The following RABEPK variants were observed in gnomAD, a reference collection of about 807,000 sequenced individuals.
The protein encoded by RABEPK is Rab9 effector protein with kelch motifs.
RABEPK carries 27 observed loss-of-function variants against 34.1 expected under a neutral mutation model. The ratio of observed to expected loss-of-function variants is 0.79; its 90% CI spans 0.58 to 1.09. RABEPK has a LOEUF of 1.09. Among genes scored for constraint, RABEPK ranks in the 50% least tolerant of loss-of-function variants. RABEPK has a pLI of 0.00. For missense variants in RABEPK, 449 were observed against 462.6 expected (o/e 0.97, Z 0.27); for synonymous variants, 172 against 169.2 (o/e 1.02, Z -0.13).
intron 4 of RABEPK, among the ~76,000 whole-genome samples, chr9:125,214,464 C>A (rs771943702): frequency 3.3e-5 from 5 of 152,156 alleles, no homozygotes; most frequent in Admixed American, 6.6e-5. Flanking sequence ...TTTCTTTTAG[C>A]CAAAAGTACA....
chr9:125,224,454 CTTTT>C (rs34504635), intron 5 of RABEPK, among the ~76,000 whole-genome samples: 3 of 124,696 alleles, frequency 2.4e-5, no homozygotes, highest in African/African-American at 5.9e-5. Context: ...TAGGTATTGT[CTTTT>C]TTTTTTTTTT....
rs752799508 is a variant in RABEPK at position 125,228,042 on chromosome 9, T to A, written c.659T>A (p.Leu220His). The A allele has an allele frequency of 6.3e-7, 1 of 1,589,754 alleles. No homozygotes were observed. Among genetic ancestry groups the A allele is most frequent in the Non-Finnish European group, 8.6e-7 (1 of 1,166,048 alleles). Reference protein sequence around the residue: ...GLAGDRFYDDLHCIDISDMKW... With the variant: ...GLAGDRFYDDHHCIDISDMKW... ...GCGGGGGACAGATTCTATGATGACCTCCACTGCATTGATATAAGTAAGCAG... is the reference window on the plus strand; with the variant it reads ...GCGGGGGACAGATTCTATGATGACCACCACTGCATTGATATAAGTAAGCAG... The change falls in exon 6 of 8, where the codon CTC becomes CAC. Residue 220 changes from leucine (L) to histidine (H), a missense_variant. Physicochemically the swap from Leu to His is moderately conservative, Grantham distance 99. Transcript: ENST00000373538.
At chr9:125,202,310 C>A (rs1336565182) in intron 1 of RABEPK, among the ~76,000 whole-genome samples, 1 of 150,240 alleles carries the variant, frequency 6.7e-6, no homozygotes, top group Non-Finnish European at 1.5e-5. Context: ...CACCTGAGGT[C>A]AGGAGTTAGT....
chr9:125,204,439 G>A (rs1049504065), intron 2 of RABEPK, among the ~76,000 whole-genome samples: 46 of 152,130 alleles, frequency 3.0e-4, no homozygotes, highest in African/African-American at 9.4e-4. Flanking sequence ...AAAATTAACC[G>A]GGAGTGGTGG....
At chr9:125,203,173 G>A (rs1466004348) in intron 2 of RABEPK, 107 bp downstream of exon 2, 5 of 923,762 alleles carry the variant, frequency 5.4e-6, no homozygotes, top group Non-Finnish European at 8.5e-6. Context: ...AGATGAAACT[G>A]TCTGCAGTTT....
At position 125,224,342 on chromosome 9, in the gene RABEPK, G is replaced by A. The variant is rs151302426; in HGVS notation, c.527-3568G>A. Among the ~76,000 whole-genome samples, 915 of 151,846 alleles carry A rather than the reference G, an allele frequency of 6.0e-3. 3 individuals carry two copies. Among genetic ancestry groups the A allele is most frequent in the Non-Finnish European group, 0.01 (690 of 67,974 alleles). ...TAAGAAGGGTTGCCTGTAGTAAAAC[G>A]TAATAATCATCATATTCATAACTCT... On this transcript the variant is annotated intron_variant, in intron 5 of 7. Coordinates refer to ENST00000373538, the MANE Select transcript of RABEPK (RefSeq NM_005833.4).
At chr9:125,223,194 T>G (rs1326370234) in intron 5 of RABEPK, among the ~76,000 whole-genome samples, 1 of 151,692 alleles carries the variant, frequency 6.6e-6, no homozygotes, top group Non-Finnish European at 1.5e-5. Flanking sequence ...GCAGCAGAAT[T>G]GCTTGAACCC....
intron 4 of RABEPK, among the ~76,000 whole-genome samples, chr9:125,214,297 G>T (rs1233393569): frequency 6.6e-6 from 1 of 152,054 alleles, no homozygotes; most frequent in Non-Finnish European, 1.5e-5. Flanking sequence ...TCACAACTGG[G>T]GGTAGCGTGG....
intron 5 of RABEPK, 68 bp from the exon 6 acceptor site, chr9:125,227,842 T>G (rs1282643849): frequency 6.9e-7 from 1 of 1,447,808 alleles, no homozygotes; most frequent in Non-Finnish European, 9.3e-7. Flanking sequence ...CTACAGAGGC[T>G]TGGGCCTGTT....
chr9:125,232,438 A>G (rs953365233), intron 6 of RABEPK, among the ~76,000 whole-genome samples, 158 bp from the exon 7 acceptor site: 1 of 152,168 alleles, frequency 6.6e-6, no homozygotes, highest in Non-Finnish European at 1.5e-5. Flanking sequence ...ACCCAATCAT[A>G]ATGTCAGAGT....
chr9:125,220,854 A>G, intron 5 of RABEPK, 154 bp downstream of exon 5: 2 of 1,047,248 alleles, frequency 1.9e-6, no homozygotes, highest in Non-Finnish European at 2.6e-6. Context: ...TTTTTCCCAC[A>G]GCAAAATTGG....
chr9:125,224,202 C>CA lies in RABEPK; in HGVS notation c.526+3507dup, dbSNP rs199760125. Among the ~76,000 whole-genome samples, 556 of 84,948 alleles carry CA rather than the reference C, an allele frequency of 6.5e-3. 2 individuals are homozygous for CA. The highest frequency in any genetic ancestry group is 0.017 in the East Asian group (57 of 3,406). The allele number at this position is 84,948 out of a possible 152,430, so 55.7% of individuals were successfully genotyped here. ...CAGAGCAACACTCTATCTCAAAAAA[C>CA]AAAAACAAAACAAAAAAAAAAAACA... On this transcript the variant is annotated intron_variant, in intron 5 of 7. Coordinates refer to ENST00000373538, the MANE Select transcript of RABEPK (RefSeq NM_005833.4).
intron 5 of RABEPK, chr9:125,222,212 C>T (rs1273728927): frequency 6.7e-6 from 1 of 148,244 alleles, no homozygotes; most frequent in African/African-American, 2.5e-5. Context: ...TTTCTCTTTC[C>T]AGAAAGAATG....
chr9:125,229,612 C>T lies in RABEPK; in HGVS notation c.676+1553C>T, dbSNP rs543287319. ...ACCCAGCCATTTATTGTCTCTTAAC[C>T]TTCCAACAGTGCTCTCCTTTCATTA... On this transcript the variant is annotated intron_variant, in intron 6 of 7. Transcript: ENST00000373538. 3.3e-4 allele frequency among the ~76,000 whole-genome samples: 50 copies of T among 152,290 alleles called. No individual in the cohort carries two copies. The South Asian group carries it at 0.01, about 31-fold the overall frequency.
chr9:125,210,603 C>G (rs1388745471), intron 3 of RABEPK, among the ~76,000 whole-genome samples: 2 of 148,824 alleles, frequency 1.3e-5, no homozygotes, highest in African/African-American at 4.9e-5. Context: ...GCCCGTAGTC[C>G]CAGCTGAGGC....
chr9:125,218,114 A>G (rs1831057030), intron 4 of RABEPK, among the ~76,000 whole-genome samples: 1 of 150,542 alleles, frequency 6.6e-6, no homozygotes, highest in African/African-American at 2.4e-5. Context: ...GCTCGAGACC[A>G]TCCTGGCTAA....
intron 3 of RABEPK, among the ~76,000 whole-genome samples, chr9:125,211,739 G>T (rs899659587): frequency 6.6e-6 from 1 of 152,106 alleles, no homozygotes. Flanking sequence ...AGGCCAAGGC[G>T]GGTGGGTCAC....
At chr9:125,225,455 G>T (rs1024947890) in intron 5 of RABEPK, among the ~76,000 whole-genome samples, 1 of 150,996 alleles carries the variant, frequency 6.6e-6, no homozygotes, top group African/African-American at 2.4e-5. Context: ...AGGCCCAGGG[G>T]GGTGGATCTC....
intron 4 of RABEPK, among the ~76,000 whole-genome samples, chr9:125,219,374 T>A (rs922332093): frequency 2.4e-4 from 36 of 151,020 alleles, no homozygotes; most frequent in African/African-American, 6.0e-4. Context: ...TAATTTTTTT[T>A]AATTTTTAAT....
Sources: gnomAD v4.1 joint callset for allele counts (sites outside exome capture counted in the v4.1 genomes callset) on GRCh38, gnomAD v4.1.1 for gene constraint, MANE v1.5 for transcripts, NCBI Gene and HGNC (gene_info 2026-07-23, HGNC 2026-07-21) for gene names.